EPAS1: variants seen among roughly 807,000 people sequenced by gnomAD.
EPAS1 encodes endothelial PAS domain protein 1.
EPAS1 carries 23 observed loss-of-function variants against 87.9 expected under a neutral mutation model. That is an observed-to-expected ratio of 0.26 (90% CI 0.19 to 0.37). The LOEUF (loss-of-function observed/expected upper bound fraction) is 0.37. EPAS1 is among the 10% of genes least tolerant of loss of function. EPAS1 has a pLI of 1.00. For synonymous variants in EPAS1, 508 were observed against 444.3 expected (o/e 1.14, Z -1.80); for missense variants, 1,138 against 1,120.7 (o/e 1.02, Z -0.22).
chr2:46,368,351 A>G (rs3754556), intron 6 of EPAS1, among the ~76,000 whole-genome samples: 96,163 of 151,922 alleles, frequency 0.63, 32,391 homozygotes, highest in East Asian at 0.87. Flanking sequence ...TTCCAGGCAT[A>G]GGGAACTGAG....
Position 46,381,737 on chromosome 2 carries a change from C to T in EPAS1, c.2172+15C>T, listed in dbSNP as rs1305564070. 3 of 1,613,608 alleles carry T rather than the reference C, an allele frequency of 1.9e-6. No homozygotes were observed. The highest frequency in any genetic ancestry group is 2.5e-6 in the Non-Finnish European group (3 of 1,180,000). On this transcript the variant is annotated intron_variant, in intron 13 of 15. Transcript: ENST00000263734. ...ACCTGAGCGGGGTGAGTCATCCCCA[C>T]TGGCCACAGGGGCCTCTCCATAGCC...
intron 1 of EPAS1, among the ~76,000 whole-genome samples, chr2:46,323,175 G>A (rs1293412418): frequency 6.6e-6 from 1 of 152,190 alleles, no homozygotes; most frequent in African/African-American, 2.4e-5. Context: ...CTTGAAAAGT[G>A]TAAAAATCTA....
intron 1 of EPAS1, among the ~76,000 whole-genome samples, chr2:46,322,884 T>C (rs181702324): frequency 5.3e-5 from 8 of 152,362 alleles, no homozygotes; most frequent in Admixed American, 2.6e-4. Context: ...GTCCTCGGAA[T>C]CTTTCACACA....
intron 1 of EPAS1, among the ~76,000 whole-genome samples, chr2:46,335,444 G>A (rs1185831652): frequency 7.5e-6 from 1 of 133,188 alleles, no homozygotes; most frequent in African/African-American, 2.9e-5. Context: ...ACACTGCCAG[G>A]GGAATTTCTG....
intron 6 of EPAS1, 88 bp downstream of exon 6, chr2:46,361,178 C>T (rs954245858): frequency 5.6e-6 from 8 of 1,418,092 alleles, no homozygotes; most frequent in Non-Finnish European, 7.8e-6. Context: ...AGGTGTGGAA[C>T]TGAACATAGA....
intron 1 of EPAS1, among the ~76,000 whole-genome samples, chr2:46,322,822 A>G (rs2104850822): frequency 6.6e-6 from 1 of 151,876 alleles, no homozygotes. Context: ...CACTTAGTCC[A>G]CCCCCACGAC....
intron 1 of EPAS1, among the ~76,000 whole-genome samples, chr2:46,298,800 G>A (rs1406883470): frequency 2.6e-5 from 4 of 152,096 alleles, no homozygotes; most frequent in Admixed American, 2.6e-4. Flanking sequence ...AGCCGGGCCC[G>A]GCGCTACCCG....
At position 46,347,149 on chromosome 2, in the gene EPAS1, G is replaced by A; in HGVS notation, c.217+86G>A. The A allele has an allele frequency of 6.6e-7, 1 of 1,511,464 alleles. No individual in the cohort carries two copies. Among genetic ancestry groups the A allele is most frequent in the South Asian group, 1.1e-5 (1 of 88,796 alleles). 93.6% of individuals were successfully genotyped at this position (1,511,464 alleles called of 1,614,324 possible). On this transcript the variant is annotated intron_variant, in intron 2 of 15. Transcript: ENST00000263734. This position sits in a 1 kb window ranked among gnomAD's most constrained non-coding sequence, Gnocchi z 4.2. ...TGCAGGGGACCCTTCTGCTGCCAGA[G>A]CTGGAAAGTCACCCCACTACAGAAC...
chr2:46,376,435 A>AT (rs944453525), intron 8 of EPAS1, 104 bp from the exon 9 acceptor site: 2 of 1,140,838 alleles, frequency 1.8e-6, no homozygotes, highest in African/African-American at 3.1e-5. Flanking sequence ...AGTCCTACCC[A>AT]TTTTTTGTCG....
At chr2:46,379,823 CA>C (rs1253019765) in intron 11 of EPAS1, 50 of 272,574 alleles carry the variant, frequency 1.8e-4, no homozygotes, top group Non-Finnish European at 2.7e-4. Context: ...GAGAAGAGGA[CA>C]AAAAAAAGCC....
In EPAS1 at chr2:46,380,796, A is replaced by G; in HGVS notation, c.2045+79A>G. 6.3e-7 allele frequency: 1 copy of G among 1,596,214 alleles called. No homozygotes were observed. Among genetic ancestry groups the G allele is most frequent in the Non-Finnish European group, 8.5e-7 (1 of 1,178,756 alleles). On this transcript the variant is annotated intron_variant, in intron 12 of 15. Transcript: ENST00000263734. This position sits in a 1 kb window ranked among gnomAD's most constrained non-coding sequence, Gnocchi z 4.4. ...TAGTAAGATAGCTGGACCCCCAGGG[A>G]GGCCCCTGCCCCTCTCCCCAGCCAT...
intron 1 of EPAS1, among the ~76,000 whole-genome samples, chr2:46,324,530 A>G (rs141570908): frequency 4.9e-4 from 74 of 152,348 alleles, no homozygotes; most frequent in African/African-American, 1.7e-3. Flanking sequence ...CTGAGAACAG[A>G]CTGGTTTAAG....
chr2:46,340,660 AGTCT>A (rs750437538), intron 1 of EPAS1, among the ~76,000 whole-genome samples: 4 of 152,180 alleles, frequency 2.6e-5, no homozygotes, highest in Admixed American at 1.3e-4. Flanking sequence ...CTCTTGTCAA[AGTCT>A]GTCTGATCTG....
At chr2:46,301,549 C>G (rs1261967558) in intron 1 of EPAS1, among the ~76,000 whole-genome samples, 2 of 141,760 alleles carry the variant, frequency 1.4e-5, no homozygotes, top group Non-Finnish European at 3.0e-5. Flanking sequence ...TGCACTCCAG[C>G]CTGGGCAAGA....
At chr2:46,306,770 C>T (rs1198963789) in intron 1 of EPAS1, among the ~76,000 whole-genome samples, 3 of 152,118 alleles carry the variant, frequency 2.0e-5, no homozygotes, top group Non-Finnish European at 4.4e-5. Flanking sequence ...TTCTGCATTT[C>T]AAGACAAGAT....
intron 2 of EPAS1, among the ~76,000 whole-genome samples, chr2:46,352,451 TTAA>T (rs1684185497): frequency 6.6e-6 from 1 of 152,148 alleles, no homozygotes; most frequent in Non-Finnish European, 1.5e-5. Context: ...CAGTAGAAAC[TTAA>T]TAATGGTGTA....
At chr2:46,369,447 C>G (rs921944346) in intron 6 of EPAS1, among the ~76,000 whole-genome samples, 1 of 152,192 alleles carries the variant, frequency 6.6e-6, no homozygotes, top group Non-Finnish European at 1.5e-5. Flanking sequence ...GTGTAGGCAT[C>G]GAGCAAATTG....
rs1006114059 is a variant in EPAS1 at position 46,300,259 on chromosome 2, G to T, written c.26+2322G>T. 8.5e-5 allele frequency among the ~76,000 whole-genome samples: 13 copies of T among 152,224 alleles called. No homozygotes were observed. Among genetic ancestry groups the T allele is most frequent in the Non-Finnish European group, 1.5e-4 (10 of 68,046 alleles). On this transcript the variant is annotated intron_variant, in intron 1 of 15. Transcript: ENST00000263734. This position sits in a 1 kb window ranked among gnomAD's most constrained non-coding sequence, Gnocchi z 4.1. Reference sequence around the variant, plus strand: ...GCTTTTCTGAGTGCCTCACAAGGGCGATGTGACAGTGAGGGGGCTCTCTGC... The same window carrying T: ...GCTTTTCTGAGTGCCTCACAAGGGCTATGTGACAGTGAGGGGGCTCTCTGC...
intron 1 of EPAS1, among the ~76,000 whole-genome samples, chr2:46,331,002 G>A (rs1403083712): frequency 6.6e-6 from 1 of 152,034 alleles, no homozygotes; most frequent in African/African-American, 2.4e-5. Flanking sequence ...GACTTCTGTA[G>A]CAATGGCCTC....
Sources: allele counts gnomAD v4.1 joint callset (sites outside exome capture counted in the v4.1 genomes callset), GRCh38; gene constraint gnomAD v4.1.1; non-coding constraint Gnocchi (gnomAD v3.1); transcripts MANE v1.5; gene names NCBI Gene and HGNC (gene_info 2026-07-23, HGNC 2026-07-21).